Variants in CLVS1 observed in about 807,000 individuals in gnomAD.
CLVS1 encodes clavesin 1.
CLVS1 carries 10 observed loss-of-function variants against 33.1 expected under a neutral mutation model. That is an observed-to-expected ratio of 0.30 (90% confidence interval 0.19 to 0.51). The LOEUF is 0.51. CLVS1 is among the 20% of genes least tolerant of loss of function. The pLI, the probability that CLVS1 is intolerant of heterozygous loss-of-function variation, is 0.97. For missense variants in CLVS1, 343 were observed against 433.4 expected (o/e 0.79, Z 1.85); for synonymous variants, 163 against 166.1 (o/e 0.98, Z 0.14).
intron 2 of CLVS1, among the ~76,000 whole-genome samples, chr8:61,134,386 A>T (rs772467688): frequency 6.6e-6 from 1 of 152,176 alleles, no homozygotes; most frequent in Non-Finnish European, 1.5e-5. Context: ...CTGACCCGTC[A>T]CCTGTTTTTG....
the CLVS1 span, among the ~76,000 whole-genome samples, chr8:60,980,013 G>T: frequency 1.3e-5 from 2 of 152,190 alleles, no homozygotes; most frequent in Non-Finnish European, 2.9e-5. Context: ...AACAGCGTAA[G>T]TTCCTCATTC....
intron 2 of CLVS1, among the ~76,000 whole-genome samples, chr8:61,137,480 T>C (rs765052622): frequency 3.9e-5 from 6 of 152,142 alleles, no homozygotes; most frequent in Non-Finnish European, 7.4e-5. Context: ...TCATGAGGTG[T>C]AGAAGGGATG....
At position 61,167,663 on chromosome 8, in the gene CLVS1, G is replaced by A. The variant is rs181787752; in HGVS notation, c.-152+35803G>A. On this transcript the variant is annotated intron_variant, in intron 2 of 2. Coordinates refer to the CLVS1 transcript ENST00000522621. ...TGAAACTTACTGGGCTGCAATCCCAGATGGTTAAGGTATTCTAAGTCACAG... is the reference window on the plus strand; with the variant it reads ...TGAAACTTACTGGGCTGCAATCCCAAATGGTTAAGGTATTCTAAGTCACAG... Among the ~76,000 whole-genome samples the A allele has an allele frequency of 2.0e-3, 301 of 152,304 alleles. 1 individual carries two copies. The highest frequency in any genetic ancestry group is 6.8e-3 in the African/African-American group (281 of 41,552).
At chr8:61,072,511 G>A (rs907836325) in intron 1 of CLVS1, among the ~76,000 whole-genome samples, 5 of 152,140 alleles carry the variant, frequency 3.3e-5, no homozygotes, top group African/African-American at 1.2e-4. Context: ...CTTATTCCAA[G>A]CATGCATCCA....
chr8:61,168,481 C>G (rs896667491), intron 2 of CLVS1, among the ~76,000 whole-genome samples: 3 of 141,884 alleles, frequency 2.1e-5, no homozygotes, highest in Non-Finnish European at 4.8e-5. Flanking sequence ...TCTTTGGTAG[C>G]AATGTAGAGA....
intron 4 of CLVS1, among the ~76,000 whole-genome samples, chr8:61,456,699 G>A (rs1329621804): frequency 6.6e-6 from 1 of 151,822 alleles, no homozygotes; most frequent in Non-Finnish European, 1.5e-5. Flanking sequence ...TGCGGATCAC[G>A]AGGTCAGGAG....
intron 1 of CLVS1, among the ~76,000 whole-genome samples, chr8:61,082,989 A>T (rs1805050291): frequency 2.3e-4 from 1 of 4,270 alleles, no homozygotes; most frequent in African/African-American, 2.3e-3. Context: ...TGTCTTAAAC[A>T]TAAAAAAAAA....
chr8:61,298,162 G>A (rs186271233), intron 1 of CLVS1, among the ~76,000 whole-genome samples: 1 of 151,948 alleles, frequency 6.6e-6, no homozygotes, highest in Admixed American at 6.5e-5. Context: ...ATTGGGTAAG[G>A]CTGCTTTCTG....
chr8:61,382,046 T>C (rs1007675874), intron 3 of CLVS1, among the ~76,000 whole-genome samples: 1 of 152,216 alleles, frequency 6.6e-6, no homozygotes, highest in African/African-American at 2.4e-5. Flanking sequence ...TTATTCTCTC[T>C]GGCTTCCTTC....
At chr8:61,221,863 C>T (rs1045474532) in intron 2 of CLVS1, among the ~76,000 whole-genome samples, 6 of 152,146 alleles carry the variant, frequency 3.9e-5, no homozygotes, top group African/African-American at 1.4e-4. Flanking sequence ...AATTTCAGAG[C>T]TTGTTATTGG....
chr8:61,153,239 A>C (rs17764366), intron 2 of CLVS1, among the ~76,000 whole-genome samples: 35,650 of 152,224 alleles, frequency 0.23, 4,303 homozygotes, highest in Admixed American at 0.29. Flanking sequence ...AGTATTTGAG[A>C]CATCGTAAAT....
rs1247183221 is a variant in CLVS1, at chr8:61,232,030, T to TTTG, written c.-151-67645_-151-67644insGTT. 3.3e-5 allele frequency among the ~76,000 whole-genome samples: 4 copies of TTTG among 121,396 alleles called. 1 individual carries two copies. The East Asian group carries it at 1.0e-3, about 31-fold the overall frequency. The allele number at this position is 121,396 out of a possible 152,430, so 79.6% of individuals were successfully genotyped here. A position where few individuals can be genotyped will look rare whatever the true frequency, so the allele number is the denominator to read the frequency against. On this transcript the variant is annotated intron_variant, in intron 2 of 2. Transcript: ENST00000522621. ...GCCCTGAGGAAAGTTGTGGTTTTTT[T>TTTG]TTTTTTTTTTTTTTTTTTTTGTGAG...
chr8:61,469,170 A>G (rs1307589269), intron 5 of CLVS1, among the ~76,000 whole-genome samples: 1 of 152,182 alleles, frequency 6.6e-6, no homozygotes, highest in East Asian at 1.9e-4. Flanking sequence ...TGTTTCATGG[A>G]ATCAAAAGAC....
At chr8:61,496,108 A>G (rs757753455) in intron 5 of CLVS1, among the ~76,000 whole-genome samples, 3 of 152,162 alleles carry the variant, frequency 2.0e-5, no homozygotes, top group Non-Finnish European at 4.4e-5. Context: ...CAAGTTAGTT[A>G]TGTTCAAGAA....
In CLVS1 at chr8:61,299,602, A is replaced by G. The variant is rs530047660; in HGVS notation, c.-151-75A>G. The G allele has an allele frequency of 5.6e-6, 3 of 532,788 alleles. No individual in the cohort carries two copies. The East Asian group carries it at 9.0e-5, about 16-fold the overall frequency. The allele number at this position is 532,788 out of a possible 1,614,324, so 33.0% of individuals were successfully genotyped here. On this transcript the variant is annotated intron_variant, in intron 1 of 5. Transcript: ENST00000325897. ...AGCCTAATATACTGTTTTTCTATCTAAGCTCCAATTAATTTGCCCAGACTT... is the reference window on the plus strand; with the variant it reads ...AGCCTAATATACTGTTTTTCTATCTGAGCTCCAATTAATTTGCCCAGACTT...
intron 5 of CLVS1, among the ~76,000 whole-genome samples, chr8:61,495,597 A>G (rs961548652): frequency 6.6e-6 from 1 of 152,192 alleles, no homozygotes; most frequent in African/African-American, 2.4e-5. Context: ...CATGAGGCAA[A>G]TTCAAGAAAA....
chr8:61,340,390 CTG>C (rs1811990116), intron 2 of CLVS1, among the ~76,000 whole-genome samples: 1 of 152,210 alleles, frequency 6.6e-6, no homozygotes, highest in Admixed American at 6.5e-5. Context: ...CTGTCTACTT[CTG>C]TGAGTTCCAC....
chr8:61,250,796 C>T (rs1808926667), intron 2 of CLVS1, among the ~76,000 whole-genome samples: 1 of 152,144 alleles, frequency 6.6e-6, no homozygotes, highest in African/African-American at 2.4e-5. Flanking sequence ...AGTTGCTTAT[C>T]AGCTTAAGGA....
chr8:61,473,443 A>T (rs901833427), intron 5 of CLVS1, among the ~76,000 whole-genome samples: 11 of 152,048 alleles, frequency 7.2e-5, no homozygotes, highest in African/African-American at 2.7e-4. Context: ...GCAGAGCTGC[A>T]TAGGGCAGAT....
Sources: gnomAD v4.1 joint callset for allele counts (sites outside exome capture counted in the v4.1 genomes callset) on GRCh38, gnomAD v4.1.1 for gene constraint, MANE v1.5 for transcripts, NCBI Gene and HGNC (gene_info 2026-07-23, HGNC 2026-07-21) for gene names.